STAU2: variants seen among roughly 807,000 people sequenced by gnomAD.
The protein encoded by STAU2 is staufen double-stranded RNA binding protein 2.
STAU2 carries 20 observed loss-of-function variants against 65.9 expected under a neutral mutation model. The ratio of observed to expected loss-of-function variants is 0.30; its 90% CI spans 0.21 to 0.44. The LOEUF (loss-of-function observed/expected upper bound fraction) is 0.44, where lower values mean the gene tolerates loss of function less well. Among genes scored for constraint, STAU2 ranks in the 20% least tolerant of loss-of-function variants. The pLI is 1.00. For missense variants in STAU2, 558 were observed against 683.9 expected (o/e 0.82, Z 2.05); for synonymous variants, 232 against 233.9 (o/e 0.99, Z 0.07).
chr8:73,550,067 C>T (rs1222221379), intron 13 of STAU2: 5 of 985,418 alleles, frequency 5.1e-6, no homozygotes, highest in Non-Finnish European at 6.0e-6. Flanking sequence ...GGAGATTCTG[C>T]TCACTGCTTA....
chr8:73,547,675 C>A (rs1178072740), intron 13 of STAU2, among the ~76,000 whole-genome samples: 1 of 152,030 alleles, frequency 6.6e-6, no homozygotes, highest in South Asian at 2.1e-4. Context: ...ATTTTAATGG[C>A]AAATCAGAGC....
chr8:73,433,298 G>A (rs1429985964), intron 13 of STAU2, among the ~76,000 whole-genome samples: 4 of 151,526 alleles, frequency 2.6e-5, no homozygotes, highest in African/African-American at 9.8e-5. Context: ...TCCGCCTCCC[G>A]GGTTCAAGCG....
chr8:73,453,490 C>G lies in STAU2; in HGVS notation c.1531-30788G>C, dbSNP rs368384721. Among the ~76,000 whole-genome samples, 377 of 152,282 alleles carry G rather than the reference C, an allele frequency of 2.5e-3. 6 individuals carry two copies. The South Asian group carries it at 0.051, about 21-fold the overall frequency. ...CTATCATTTACACTCTACATGGACA[C>G]TGAATGTGCAAATAGATTCAGCAAA... On this transcript the variant is annotated intron_variant, in intron 13 of 14. Coordinates refer to ENST00000524300, the MANE Select transcript of STAU2 (RefSeq NM_001164380.2).
At chr8:73,621,088 T>G (rs962618161) in intron 6 of STAU2, among the ~76,000 whole-genome samples, 1 of 152,162 alleles carries the variant, frequency 6.6e-6, no homozygotes, top group African/African-American at 2.4e-5. Context: ...TAAGCTCACT[T>G]TTAGTAAGGT....
At chr8:73,584,028 A>T (rs1229292873) in intron 11 of STAU2, among the ~76,000 whole-genome samples, 1 of 152,196 alleles carries the variant, frequency 6.6e-6, no homozygotes, top group Non-Finnish European at 1.5e-5. Context: ...TTCATTTTTA[A>T]AAAAAAGTTG....
intron 6 of STAU2, chr8:73,652,937 A>C (rs1816017437): frequency 6.6e-6 from 1 of 152,192 alleles, no homozygotes; most frequent in African/African-American, 2.4e-5. Context: ...AAGTAAAAAA[A>C]TTCACCAACT....
intron 12 of STAU2, among the ~76,000 whole-genome samples, chr8:73,566,945 CAATCTACTAAGAGT>C (rs928218466): frequency 1.3e-5 from 2 of 152,186 alleles, no homozygotes; most frequent in Non-Finnish European, 2.9e-5. Context: ...CAAAGCAAAG[CAATCTACTAAGAGT>C]AACTGTATTA....
In STAU2 at chr8:73,641,418, T is replaced by A. The variant is rs558943095; in HGVS notation, c.411-23967A>T. Among the ~76,000 whole-genome samples the A allele has an allele frequency of 3.9e-5, 6 of 152,250 alleles. No individual in the cohort carries two copies. The East Asian group carries it at 9.6e-4, about 24-fold the overall frequency. ...GTTTCATAGTTAACACTGTTTCATA[T>A]GGTAATACTGAAATGTCTTAGAAAA... On this transcript the variant is annotated intron_variant, in intron 6 of 14. Transcript: ENST00000524300.
chr8:73,521,476 T>C (rs1249822360), intron 13 of STAU2, among the ~76,000 whole-genome samples: 1 of 152,214 alleles, frequency 6.6e-6, no homozygotes, highest in African/African-American at 2.4e-5. Flanking sequence ...ACGGTAAACA[T>C]ACTACATATA....
At chr8:73,485,194 C>G (rs1290954769) in intron 13 of STAU2, among the ~76,000 whole-genome samples, 1 of 137,362 alleles carries the variant, frequency 7.3e-6, no homozygotes, top group African/African-American at 2.8e-5. Flanking sequence ...GCTCTATCAC[C>G]CAGGCTGGAG....
rs1819515100 is a variant in STAU2 at position 73,464,057 on chromosome 8, C to T, written c.1531-41355G>A. On this transcript the variant is annotated intron_variant, in intron 13 of 14. Transcript: ENST00000524300. ...TTGGTAAAGAATTTGGATTTCGAGA[C>T]AACAGTTTACAATGGGCCTGATAAT... Among the ~76,000 whole-genome samples the T allele has an allele frequency of 2.6e-5, 4 of 152,168 alleles. No individual in the cohort carries two copies. The South Asian group carries it at 8.3e-4, about 31-fold the overall frequency.
At chr8:73,653,103 G>C (rs1458715579) in intron 6 of STAU2, 1 of 152,080 alleles carries the variant, frequency 6.6e-6, no homozygotes, top group African/African-American at 2.4e-5. Context: ...AATATGCAAA[G>C]GTGCACTGAC....
chr8:73,736,123 G>A (rs1257935668), intron 3 of STAU2, among the ~76,000 whole-genome samples: 2 of 152,142 alleles, frequency 1.3e-5, no homozygotes, highest in Non-Finnish European at 2.9e-5. Flanking sequence ...AATTTTTGTT[G>A]CACTAGGGAA....
chr8:73,606,042 A>G (rs1461637000), intron 9 of STAU2, among the ~76,000 whole-genome samples: 1 of 145,976 alleles, frequency 6.9e-6, no homozygotes. Flanking sequence ...AAAATCTTCA[A>G]GCCAAACCTC....
At chr8:73,470,642 A>T (rs59242396) in intron 13 of STAU2, among the ~76,000 whole-genome samples, 110,925 of 151,514 alleles carry the variant, frequency 0.73, 41,003 homozygotes, top group East Asian at 0.97. Context: ...TACAAAAAAA[A>T]TTTTTTTTTA....
At chr8:73,543,503 A>G (rs533301660) in intron 13 of STAU2, among the ~76,000 whole-genome samples, 46 of 152,348 alleles carry the variant, frequency 3.0e-4, no homozygotes, top group African/African-American at 1.0e-3. Flanking sequence ...TTGCATAATC[A>G]TAAGTAACCT....
intron 10 of STAU2, among the ~76,000 whole-genome samples, chr8:73,603,269 C>T (rs1383947669): frequency 6.6e-6 from 1 of 152,128 alleles, no homozygotes; most frequent in East Asian, 1.9e-4. Flanking sequence ...ATCCTGAGTG[C>T]CTCAGCCCCC....
Position 73,552,458 on chromosome 8 carries a change from G to A in STAU2, c.1223-139C>T, listed in dbSNP as rs1200413983. 15 of 738,052 alleles carry A rather than the reference G, an allele frequency of 2.0e-5. No individual in the cohort carries two copies. The South Asian group carries it at 3.4e-4, about 17-fold the overall frequency. The allele number at this position is 738,052 out of a possible 1,614,324, so 45.7% of individuals were successfully genotyped here. ...GCCAAACAAGTATCTTTGTCATACTGTAGAGGCAGTTGCAGCTTCTATTGA... is the reference window on the plus strand; with the variant it reads ...GCCAAACAAGTATCTTTGTCATACTATAGAGGCAGTTGCAGCTTCTATTGA... On this transcript the variant is annotated intron_variant, in intron 12 of 14. Coordinates refer to ENST00000524300, the MANE Select transcript of STAU2 (RefSeq NM_001164380.2).
At chr8:73,604,128 G>T (rs534417306) in intron 9 of STAU2, among the ~76,000 whole-genome samples, 2 of 152,232 alleles carry the variant, frequency 1.3e-5, no homozygotes, top group East Asian at 1.9e-4. Context: ...GTATACCAGA[G>T]GTGCTTCACA....
Sources: allele counts gnomAD v4.1 joint callset (sites outside exome capture counted in the v4.1 genomes callset), GRCh38; gene constraint gnomAD v4.1.1; transcripts MANE v1.5; gene names NCBI Gene and HGNC (gene_info 2026-07-23, HGNC 2026-07-21).